The following PTPDC1 variants were observed in gnomAD, a reference collection of about 807,000 sequenced individuals.
PTPDC1 encodes protein tyrosine phosphatase domain containing 1, also known as protein tyrosine phosphatase domain-containing protein 1.
In PTPDC1, 53 loss-of-function variants were observed where a neutral mutation model predicts 75.3. The observed-to-expected ratio is 0.70, with a 90% CI of 0.56 to 0.88. The LOEUF (loss-of-function observed/expected upper bound fraction) is 0.88. PTPDC1 is among the 40% of genes least tolerant of loss of function. The pLI is 0.00. For synonymous variants in PTPDC1, 349 were observed against 366.2 expected, an observed-to-expected ratio of 0.95 and a Z score of 0.54; for missense variants, 925 against 998.6, an observed-to-expected ratio of 0.93 and a Z score of 0.99.
chr9:94,058,326 A>G (rs1016193645), intron 1 of PTPDC1, among the ~76,000 whole-genome samples: 2 of 152,188 alleles, frequency 1.3e-5, no homozygotes, highest in African/African-American at 2.4e-5. Flanking sequence ...AATATCTTCA[A>G]AAAGCAAGTA....
At chr9:94,037,553 G>A (rs1251890726) in intron 1 of PTPDC1, among the ~76,000 whole-genome samples, 2 of 151,858 alleles carry the variant, frequency 1.3e-5, no homozygotes, top group Non-Finnish European at 2.9e-5. Flanking sequence ...ATAATATATG[G>A]TAAGTAAGTA....
chr9:94,036,176 A>G (rs1023510025), intron 1 of PTPDC1, among the ~76,000 whole-genome samples: 1 of 151,902 alleles, frequency 6.6e-6, no homozygotes, highest in Non-Finnish European at 1.5e-5. Context: ...TGCTGTGCAG[A>G]ATCTTTTTGG....
intron 1 of PTPDC1, among the ~76,000 whole-genome samples, chr9:94,043,375 T>G (rs1825491465): frequency 6.6e-6 from 1 of 152,240 alleles, no homozygotes; most frequent in African/African-American, 2.4e-5. Context: ...AAGGTGTCTG[T>G]TCAGATCTTG....
At chr9:94,055,701 A>G (rs1825911516) in intron 1 of PTPDC1, among the ~76,000 whole-genome samples, 1 of 152,202 alleles carries the variant, frequency 6.6e-6, no homozygotes, top group African/African-American at 2.4e-5. Flanking sequence ...ATGTATACCT[A>G]TCTATCAAAC....
chr9:94,043,343 T>C (rs1408545114), intron 1 of PTPDC1, among the ~76,000 whole-genome samples: 1 of 152,218 alleles, frequency 6.6e-6, no homozygotes, highest in Non-Finnish European at 1.5e-5. Context: ...ATATACTTAG[T>C]TACTATCTAC....
intron 6 of PTPDC1, chr9:94,098,810 G>A (rs1384201411): frequency 3.1e-5 from 17 of 552,622 alleles, no homozygotes; most frequent in Non-Finnish European, 4.8e-5. Flanking sequence ...CACTTGGTGT[G>A]ATGCTTGACC....
Position 94,031,784 on chromosome 9 carries a change from G to A in PTPDC1, c.-7+657G>A, listed in dbSNP as rs577217552. Reference sequence around the variant, plus strand: ...AAATGTCTAAAACGTCTCCTGGGAGGAGAGGGGGAAAATCAAGAAAAGGTT... The same window carrying A: ...AAATGTCTAAAACGTCTCCTGGGAGAAGAGGGGGAAAATCAAGAAAAGGTT... On this transcript the variant is annotated intron_variant, in intron 1 of 9. Coordinates refer to the PTPDC1 transcript ENST00000375360. Among the ~76,000 whole-genome samples the A allele has an allele frequency of 3.0e-3, 454 of 152,276 alleles. 1 individual carries two copies. Among genetic ancestry groups the A allele is most frequent in the African/African-American group, 0.011 (443 of 41,558 alleles).
exon 2 of PTPDC1, chr9:94,064,736 T>G (rs753332381): frequency 6.2e-7 from 1 of 1,610,656 alleles, no homozygotes; most frequent in Non-Finnish European, 8.5e-7. Context: ...TCCAACAGAC[T>G]ACCATGGCTG....
intron 2 of PTPDC1, among the ~76,000 whole-genome samples, chr9:94,076,022 G>A (rs528162019): frequency 3.6e-4 from 54 of 152,018 alleles, no homozygotes; most frequent in Admixed American, 9.2e-4. Flanking sequence ...TTTTTGAGAC[G>A]GAGTTTCGCT....
upstream of PTPDC1, among the ~76,000 whole-genome samples, chr9:94,080,704 G>T (rs1826848177): frequency 6.6e-6 from 1 of 152,228 alleles, no homozygotes; most frequent in Non-Finnish European, 1.5e-5. Context: ...GTCAAGGAAA[G>T]ACTGAGGAAC....
chr9:94,044,809 G>A (rs1314686258), intron 1 of PTPDC1, among the ~76,000 whole-genome samples: 1 of 150,412 alleles, frequency 6.6e-6, no homozygotes, highest in African/African-American at 2.5e-5. Context: ...ATCTTGCCTC[G>A]TTCCTGATTT....
intron 1 of PTPDC1, among the ~76,000 whole-genome samples, chr9:94,050,892 C>G (rs938414145): frequency 1.3e-5 from 2 of 152,208 alleles, no homozygotes; most frequent in African/African-American, 2.4e-5. Context: ...CTTTGTTTAC[C>G]TACTCAAGCC....
intron 2 of PTPDC1, among the ~76,000 whole-genome samples, chr9:94,073,456 T>C (rs547646249): frequency 6.6e-6 from 1 of 152,290 alleles, no homozygotes; most frequent in South Asian, 2.1e-4. Context: ...CTGTGTTTCA[T>C]TCCTGATATG....
chr9:94,104,832 T>TA (rs773063135), intron 8 of PTPDC1, among the ~76,000 whole-genome samples: 10 of 151,948 alleles, frequency 6.6e-5, no homozygotes, highest in East Asian at 5.8e-4. Context: ...AGGAAAGAGT[T>TA]AAAAAAAAGG....
chr9:94,084,478 A>G lies in PTPDC1; in HGVS notation c.-53A>G, dbSNP rs902113853. Reference sequence around the variant, plus strand: ...TCCCTGCTCTCAGTGAAAGTTCCTCACTGAGTGAGTGGGGCTGACTCTTCC... The same window carrying G: ...TCCCTGCTCTCAGTGAAAGTTCCTCGCTGAGTGAGTGGGGCTGACTCTTCC... On this transcript the variant is annotated 5_prime_UTR_variant, in exon 1 of 9. Transcript: ENST00000620992. The G allele has an allele frequency of 1.3e-6, 2 of 1,596,556 alleles. No homozygotes were observed. Among genetic ancestry groups the G allele is most frequent in the Non-Finnish European group, 1.7e-6 (2 of 1,177,822 alleles).
chr9:94,048,181 G>A (rs902794215), intron 1 of PTPDC1, among the ~76,000 whole-genome samples: 5 of 152,070 alleles, frequency 3.3e-5, no homozygotes, highest in African/African-American at 1.2e-4. Flanking sequence ...ATTTTTTGAA[G>A]GGTTTTTTGT....
intron 2 of PTPDC1, among the ~76,000 whole-genome samples, chr9:94,075,575 G>A (rs1368027213): frequency 2.0e-5 from 3 of 152,160 alleles, no homozygotes; most frequent in Non-Finnish European, 4.4e-5. Context: ...ACCCTATTGG[G>A]GATATACTGG....
chr9:94,044,143 TC>T (rs899914987), intron 1 of PTPDC1, among the ~76,000 whole-genome samples: 11 of 152,196 alleles, frequency 7.2e-5, no homozygotes, highest in East Asian at 3.8e-4. Flanking sequence ...CTAGCACCTT[TC>T]CCTTTTCATA....
intron 4 of PTPDC1, 37 bp from the exon 5 acceptor site, chr9:94,095,280 T>C: frequency 6.5e-7 from 1 of 1,540,458 alleles, no homozygotes; most frequent in Non-Finnish European, 8.9e-7. Context: ...ATTAATTTCC[T>C]GTATGTTGAT....
Sources: gnomAD v4.1 joint callset for allele counts (sites outside exome capture counted in the v4.1 genomes callset) on GRCh38, gnomAD v4.1.1 for gene constraint, MANE v1.5 for transcripts, NCBI Gene and HGNC (gene_info 2026-07-23, HGNC 2026-07-21) for gene names.